Variants in USH2A observed in about 807,000 individuals in gnomAD.
USH2A encodes the protein usherin.
A neutral mutation model predicts 538.9 loss-of-function variants in USH2A; 443 were observed. That is an observed-to-expected ratio of 0.82 (90% CI 0.76 to 0.89). USH2A has a LOEUF of 0.89. Among genes scored for constraint, USH2A ranks in the 40% least tolerant of loss-of-function variants. The probability of loss-of-function intolerance (pLI) is 0.00; values close to 1 mark genes in which losing one functional copy is unlikely to be tolerated. For synonymous variants in USH2A, 2,413 were observed against 2,273.5 expected, an observed-to-expected ratio of 1.06 and a Z score of -1.75; for missense variants, 6,633 against 6,324.8, an observed-to-expected ratio of 1.05 and a Z score of -1.65.
intron 32 of USH2A, among the ~76,000 whole-genome samples, chr1:216,018,614 C>T (rs998470652): frequency 6.6e-6 from 1 of 152,116 alleles, no homozygotes; most frequent in African/African-American, 2.4e-5. Flanking sequence ...AAGTAGAGCA[C>T]ACATTTACAG....
At chr1:216,406,821 G>A (rs2039404870) in intron 3 of USH2A, among the ~76,000 whole-genome samples, 1 of 152,022 alleles carries the variant, frequency 6.6e-6, no homozygotes, top group African/African-American at 2.4e-5. Context: ...TAAAGTGCTA[G>A]CACTCCAAAA....
At chr1:216,065,484 C>T (rs988848728) in intron 30 of USH2A, among the ~76,000 whole-genome samples, 1 of 152,004 alleles carries the variant, frequency 6.6e-6, no homozygotes, top group Admixed American at 6.6e-5. Context: ...AAATGCAAAT[C>T]AAAATTTTTT....
intron 67 of USH2A, among the ~76,000 whole-genome samples, chr1:215,641,152 T>C (rs563546056): frequency 6.6e-6 from 1 of 152,328 alleles, no homozygotes; most frequent in South Asian, 2.1e-4. Context: ...CTATTTTTCA[T>C]ATCAAATCAA....
chr1:215,944,277 T>A (rs922946866), intron 37 of USH2A, among the ~76,000 whole-genome samples: 3 of 152,186 alleles, frequency 2.0e-5, no homozygotes, highest in African/African-American at 7.2e-5. Flanking sequence ...CTATATTGCC[T>A]GCAAAGTCTA....
intron 64 of USH2A, among the ~76,000 whole-genome samples, chr1:215,654,067 G>A (rs1202849711): frequency 1.3e-5 from 2 of 152,048 alleles, no homozygotes; most frequent in Non-Finnish European, 2.9e-5. Context: ...AAGCAAGTAA[G>A]GCTTATAAAT....
At chr1:215,747,890 G>GTTTTT (rs1553258116) in intron 58 of USH2A, among the ~76,000 whole-genome samples, 5 of 91,232 alleles carry the variant, frequency 5.5e-5, no homozygotes, top group African/African-American at 1.6e-4. Flanking sequence ...TTGTTTGTTT[G>GTTTTT]GTTTTTTTTT....
intron 32 of USH2A, among the ~76,000 whole-genome samples, chr1:216,022,835 A>C (rs1046575198): frequency 2.6e-5 from 4 of 152,144 alleles, no homozygotes; most frequent in Non-Finnish European, 5.9e-5. Flanking sequence ...TCCACCTGGC[A>C]CAGCAGTGGG....
intron 52 of USH2A, among the ~76,000 whole-genome samples, chr1:215,786,380 T>C (rs1379749832): frequency 6.6e-6 from 1 of 152,214 alleles, no homozygotes; most frequent in African/African-American, 2.4e-5. Context: ...AAATTGGATT[T>C]ATTGTAAATT....
At chr1:215,929,531 T>A (rs1364738867) in intron 38 of USH2A, among the ~76,000 whole-genome samples, 2 of 152,062 alleles carry the variant, frequency 1.3e-5, no homozygotes, top group Admixed American at 6.6e-5. Flanking sequence ...GTCTCTGCAG[T>A]CTATGTGAAA....
chr1:216,198,609 A>G (rs769699953), intron 17 of USH2A, 25 bp from the exon 18 acceptor site: 2 of 1,604,676 alleles, frequency 1.2e-6, no homozygotes, highest in East Asian at 4.5e-5. Context: ...TAGTGAACCT[A>G]CGTAACTCAT....
chr1:216,251,274 T>C lies in USH2A; in HGVS notation c.1972-176A>G, dbSNP rs2036156363. Reference sequence around the variant, plus strand: ...ATGGGAGGCTTCAGCAGGGGGAATATACAGAACTGAATGAAAATAAAACCC... The same window carrying C: ...ATGGGAGGCTTCAGCAGGGGGAATACACAGAACTGAATGAAAATAAAACCC... On this transcript the variant is annotated intron_variant, in intron 11 of 71. Coordinates refer to ENST00000307340, the MANE Select transcript of USH2A (RefSeq NM_206933.4). Among the ~76,000 whole-genome samples the C allele has an allele frequency of 2.6e-5, 4 of 152,114 alleles. No homozygotes were observed. In the South Asian group the frequency reaches 8.3e-4, roughly 32 times the overall value.
At chr1:216,370,677 C>CAAGAAAAAAAAAAAAAAAAA (rs2038694558) in intron 3 of USH2A, among the ~76,000 whole-genome samples, 1 of 29,990 alleles carries the variant, frequency 3.3e-5, no homozygotes, top group African/African-American at 1.1e-4. Context: ...GACTCTGTCT[C>CAAGAAAAAAAAAAAAAAAAA]AAAAAAAAAA....
intron 52 of USH2A, among the ~76,000 whole-genome samples, chr1:215,784,481 A>G (rs1317798198): frequency 1.5e-5 from 2 of 135,798 alleles, no homozygotes; most frequent in African/African-American, 6.1e-5. Flanking sequence ...TTCTTTCTTC[A>G]TATAGGGTTG....
intron 3 of USH2A, among the ~76,000 whole-genome samples, chr1:216,413,547 A>C (rs2039527913): frequency 1.3e-5 from 2 of 152,100 alleles, no homozygotes; most frequent in South Asian, 4.1e-4. Flanking sequence ...TTGAATACAT[A>C]AATCAAAAGA....
intron 40 of USH2A, among the ~76,000 whole-genome samples, chr1:215,895,357 T>C (rs1312109286): frequency 6.6e-6 from 1 of 152,186 alleles, no homozygotes; most frequent in East Asian, 1.9e-4. Flanking sequence ...GAAGGGGATA[T>C]TGATGATTCA....
intron 32 of USH2A, among the ~76,000 whole-genome samples, chr1:216,010,526 T>C (rs1009634857): frequency 1.3e-5 from 2 of 151,892 alleles, no homozygotes; most frequent in Admixed American, 1.3e-4. Flanking sequence ...TGCCGAGCTT[T>C]AGGTAACTCT....
At chr1:215,936,096 A>C (rs924988532) in intron 37 of USH2A, among the ~76,000 whole-genome samples, 25 of 152,016 alleles carry the variant, frequency 1.6e-4, no homozygotes, top group Non-Finnish European at 2.9e-4. Context: ...ATATAAAACC[A>C]CTTTTTATTA....
At chr1:216,103,936 C>T (rs2032657982) in intron 21 of USH2A, among the ~76,000 whole-genome samples, 1 of 152,178 alleles carries the variant, frequency 6.6e-6, no homozygotes, top group South Asian at 2.1e-4. Context: ...TGGAAACTCT[C>T]ATACATGCTA....
intron 19 of USH2A, among the ~76,000 whole-genome samples, chr1:216,192,806 A>G (rs1435625720): frequency 1.3e-5 from 2 of 152,202 alleles, no homozygotes; most frequent in East Asian, 3.9e-4. Context: ...TAATAAAAAT[A>G]TTTATTTTCC....
Sources: allele counts gnomAD v4.1 joint callset (sites outside exome capture counted in the v4.1 genomes callset), GRCh38; gene constraint gnomAD v4.1.1; transcripts MANE v1.5; gene names NCBI Gene and HGNC (gene_info 2026-07-23, HGNC 2026-07-21).